The following RHOG variants were observed in gnomAD, a reference collection of about 807,000 sequenced individuals.
RHOG encodes ras homolog family member G.
A neutral mutation model predicts 12.3 loss-of-function variants in RHOG; 1 was observed. The ratio of observed to expected loss-of-function variants is 0.08; its 90% confidence interval spans 0.03 to 0.39. The LOEUF (loss-of-function observed/expected upper bound fraction) is 0.39, where lower values mean the gene tolerates loss of function less well. RHOG is among the 10% of genes least tolerant of loss of function. The probability of loss-of-function intolerance (pLI) is 0.99; values close to 1 mark genes in which losing one functional copy is unlikely to be tolerated. For missense variants in RHOG, 114 were observed against 266.2 expected (o/e 0.43, Z 3.98); for synonymous variants, 129 against 116.0 (o/e 1.11, Z -0.72).
chr11:3,838,210 G>T (rs114657320), intron 1 of RHOG, among the ~76,000 whole-genome samples: 2,845 of 152,288 alleles, frequency 0.019, 90 homozygotes, highest in African/African-American at 0.064. Flanking sequence ...CAGCCTCCTA[G>T]GTTGTAGCCA....
intron 1 of RHOG, chr11:3,840,541 C>CG (rs1037352461): frequency 6.6e-6 from 1 of 150,826 alleles, no homozygotes; most frequent in East Asian, 1.9e-4. Flanking sequence ...TCAACACCCC[C>CG]CCCACCAACT....
intron 1 of RHOG, among the ~76,000 whole-genome samples, chr11:3,836,044 C>A (rs2090153564): frequency 7.9e-6 from 1 of 126,292 alleles, no homozygotes; most frequent in Non-Finnish European, 1.7e-5. Context: ...GAGCCCAGTT[C>A]CTAGCCTTAA....
At chr11:3,835,568 G>A (rs2090151382) in intron 1 of RHOG, among the ~76,000 whole-genome samples, 1 of 152,146 alleles carries the variant, frequency 6.6e-6, no homozygotes, top group Non-Finnish European at 1.5e-5. Flanking sequence ...GAACCTCTAG[G>A]ACCAGAAGAC....
chr11:3,828,827 G>GTA (rs2090107828), intron 1 of RHOG, among the ~76,000 whole-genome samples: 5 of 151,346 alleles, frequency 3.3e-5, no homozygotes, highest in Non-Finnish European at 1.5e-5. Context: ...TCACCGTGTT[G>GTA]GCCAGGATGG....
chr11:3,828,805 A>G (rs1312443527), intron 1 of RHOG, among the ~76,000 whole-genome samples: 4 of 151,770 alleles, frequency 2.6e-5, no homozygotes, highest in Admixed American at 6.6e-5. Context: ...TATTTTTAGT[A>G]GAGATGGGGT....
rs571375478 is a variant in RHOG, at chr11:3,838,285, C to T, written c.-69+2609G>A. Among the ~76,000 whole-genome samples, 9 of 152,292 alleles carry T rather than the reference C, an allele frequency of 5.9e-5. No individual in the cohort carries two copies. The South Asian group carries it at 1.9e-3, about 32-fold the overall frequency. ...TCTCCCGCCCTGGTCACATTTTTTC[C>T]AATGATGCCTTTTTTGCAATTAGCT... On this transcript the variant is annotated intron_variant, in intron 1 of 1. Coordinates refer to ENST00000351018, the MANE Select transcript of RHOG (RefSeq NM_001665.4).
chr11:3,835,292 A>AC (rs1264562112), intron 1 of RHOG, among the ~76,000 whole-genome samples: 1 of 151,846 alleles, frequency 6.6e-6, no homozygotes, highest in Admixed American at 6.6e-5. Flanking sequence ...AATGCGACTC[A>AC]CCCCCCTTCA....
chr11:3,831,160 C>A (rs570707658), intron 1 of RHOG, among the ~76,000 whole-genome samples: 29 of 152,290 alleles, frequency 1.9e-4, no homozygotes, highest in Non-Finnish European at 3.4e-4. Context: ...CTTACCCCCC[C>A]AGCCTGGGCT....
chr11:3,835,229 CT>C (rs999399941), intron 1 of RHOG, among the ~76,000 whole-genome samples: 1 of 152,172 alleles, frequency 6.6e-6, no homozygotes, highest in African/African-American at 2.4e-5. Flanking sequence ...CAGTAAATGA[CT>C]GAATGAAGTC....
chr11:3,832,230 C>G (rs1487407099), intron 1 of RHOG, among the ~76,000 whole-genome samples: 1 of 152,140 alleles, frequency 6.6e-6, no homozygotes, highest in African/African-American at 2.4e-5. Context: ...TTATAACAAC[C>G]TGTTAGTACT....
chr11:3,840,690 A>G (rs969305709), intron 1 of RHOG: 1 of 152,088 alleles, frequency 6.6e-6, no homozygotes, highest in South Asian at 2.1e-4. Flanking sequence ...CCGGGAAGCC[A>G]CCCTCGCCGA....
intron 1 of RHOG, among the ~76,000 whole-genome samples, chr11:3,838,875 G>A (rs1391856827): frequency 6.6e-6 from 1 of 152,144 alleles, no homozygotes; most frequent in Non-Finnish European, 1.5e-5. Context: ...AATTTGGGAG[G>A]AATTCCTGAG....
chr11:3,838,997 C>A (rs2090172376), intron 1 of RHOG, among the ~76,000 whole-genome samples: 1 of 152,184 alleles, frequency 6.6e-6, no homozygotes. Flanking sequence ...CAGATCAGGG[C>A]ATGCGGGTAC....
chr11:3,840,519 C>G (rs1284021034), intron 1 of RHOG: 1 of 137,100 alleles, frequency 7.3e-6, no homozygotes, highest in East Asian at 2.2e-4. Flanking sequence ...GCCCTCTCCC[C>G]TCACGCACTT....
At position 3,827,641 on chromosome 11, in the gene RHOG, C is replaced by T. The variant is rs763697020; in HGVS notation, c.498G>A (p.Lys166=). The part of the protein sequence containing the change: ...ECSALQQDGV[K]EVFAEAVRAV... ...CCCGGACAGCCTCGGCGAACACTTC[C>T]TTGACACCATCCTGTTGCAGGGCTG... Residue 166 remains lysine, a synonymous_variant, in exon 2 of 2, where the codon AAG becomes AAA. Transcript: ENST00000351018. The surrounding 1 kb of genome is among the most constrained non-coding windows in gnomAD (Gnocchi z 7.3). 6.8e-6 allele frequency: 11 copies of T among 1,613,692 alleles called. No homozygotes were observed. In the East Asian group the frequency reaches 2.5e-4, roughly 36 times the overall value.
At chr11:3,828,622 A>ATTTT (rs755612599) in intron 1 of RHOG, among the ~76,000 whole-genome samples, 3,392 of 125,686 alleles carry the variant, frequency 0.027, 243 homozygotes, top group African/African-American at 0.089. Context: ...AGTATTAGCT[A>ATTTT]TTTTTTTTTT....
chr11:3,836,811 G>A (rs1402494517), intron 1 of RHOG, among the ~76,000 whole-genome samples: 2 of 146,936 alleles, frequency 1.4e-5, no homozygotes, highest in East Asian at 4.1e-4. Context: ...GCTGACACAG[G>A]AGAATGGCTT....
At chr11:3,839,062 C>T (rs755972238) in intron 1 of RHOG, among the ~76,000 whole-genome samples, 3 of 152,144 alleles carry the variant, frequency 2.0e-5, no homozygotes, top group Non-Finnish European at 4.4e-5. Flanking sequence ...CTTTTGCCTC[C>T]GCCGCTTCTT....
In RHOG at chr11:3,827,631, C is replaced by T. The variant is rs1323520930; in HGVS notation, c.508G>A (p.Ala170Thr). 7.4e-6 allele frequency: 12 copies of T among 1,613,286 alleles called. No individual in the cohort carries two copies. Among genetic ancestry groups the T allele is most frequent in the Admixed American group, 3.3e-5 (2 of 60,006 alleles). Residue 170 changes from alanine to threonine, a missense_variant, in exon 2 of 2, where the codon GCC becomes ACC. By Grantham distance (58) the Ala-to-Thr change is moderately conservative. Around this residue, in one of 2 missense-constraint regions of RHOG, gnomAD observed 61 missense variants for 101.4 expected, o/e 0.60. Coordinates refer to ENST00000351018, the MANE Select transcript of RHOG (RefSeq NM_001665.4). The surrounding 1 kb of genome is among the most constrained non-coding windows in gnomAD (Gnocchi z 7.3). Reference protein sequence around the residue: ...LQQDGVKEVFAEAVRAVLNPT... With the variant: ...LQQDGVKEVFTEAVRAVLNPT... ...TTGAGCACAGCCCGGACAGCCTCGG[C>T]GAACACTTCCTTGACACCATCCTGT...
Sources: gnomAD v4.1 joint callset for allele counts (sites outside exome capture counted in the v4.1 genomes callset) on GRCh38, gnomAD v4.1.1 for gene constraint, gnomAD v4.1.1 regional missense constraint, Gnocchi (gnomAD v3.1) non-coding constraint, MANE v1.5 for transcripts, NCBI Gene and HGNC (gene_info 2026-07-23, HGNC 2026-07-21) for gene names.